Variants in UTRN observed in about 807,000 individuals in gnomAD.
UTRN encodes utrophin.
In UTRN, 283 loss-of-function variants were observed where a neutral mutation model predicts 463.9. The ratio of observed to expected loss-of-function variants is 0.61; its 90% CI spans 0.55 to 0.67. The LOEUF is 0.67. Among genes scored for constraint, UTRN ranks in the 30% least tolerant of loss-of-function variants. The pLI is 0.00. For missense variants in UTRN, 3,922 were observed against 4,084.3 expected (o/e 0.96, Z 1.08); for synonymous variants, 1,442 against 1,431.5 (o/e 1.01, Z -0.17).
chr6:144,524,345 T>C (rs1796372716), intron 41 of UTRN, among the ~76,000 whole-genome samples: 1 of 152,166 alleles, frequency 6.6e-6, no homozygotes, highest in Admixed American at 6.5e-5. Flanking sequence ...CCCTGTATTA[T>C]ATCATGAAAT....
At chr6:144,698,234 A>T (rs1784218145) in intron 52 of UTRN, among the ~76,000 whole-genome samples, 1 of 152,178 alleles carries the variant, frequency 6.6e-6, no homozygotes, top group African/African-American at 2.4e-5. Flanking sequence ...CCTAAAGTTA[A>T]TCAATATGAA....
At chr6:144,419,612 A>G (rs1469431178) in intron 3 of UTRN, among the ~76,000 whole-genome samples, 1 of 152,218 alleles carries the variant, frequency 6.6e-6, no homozygotes, top group Non-Finnish European at 1.5e-5. Context: ...GTGTCACACA[A>G]CATACCCATG....
intron 52 of UTRN, among the ~76,000 whole-genome samples, chr6:144,682,168 T>G (rs1782272377): frequency 6.6e-6 from 1 of 152,038 alleles, no homozygotes; most frequent in African/African-American, 2.4e-5. Context: ...CTTCCCAGCC[T>G]CTGGTAACCA....
intron 52 of UTRN, among the ~76,000 whole-genome samples, chr6:144,679,365 ATATGT>A (rs1257634361): frequency 1.3e-5 from 2 of 152,090 alleles, no homozygotes; most frequent in Non-Finnish European, 2.9e-5. Context: ...TGGCTGAAAA[ATATGT>A]TATTGAGCAA....
At chr6:144,804,600 A>G (rs923545304) in intron 65 of UTRN, among the ~76,000 whole-genome samples, 3 of 152,174 alleles carry the variant, frequency 2.0e-5, no homozygotes, top group African/African-American at 7.2e-5. Context: ...GAGGCAAGGA[A>G]GTGAAAAATG....
At chr6:144,715,214 A>G (rs6902144) in intron 53 of UTRN, among the ~76,000 whole-genome samples, 56,588 of 151,766 alleles carry the variant, frequency 0.37, 14,394 homozygotes, top group African/African-American at 0.7. Flanking sequence ...AGTTGGTAGG[A>G]ATATTATTTC....
chr6:144,775,204 A>G (rs4243474), intron 60 of UTRN, among the ~76,000 whole-genome samples: 62,658 of 152,086 alleles, frequency 0.41, 16,979 homozygotes, highest in East Asian at 0.82. Context: ...TGATATGTTA[A>G]GGTTGAAAAA....
At chr6:144,653,702 C>T (rs1448902307) in intron 51 of UTRN, among the ~76,000 whole-genome samples, 3 of 152,012 alleles carry the variant, frequency 2.0e-5, no homozygotes, top group Non-Finnish European at 4.4e-5. Context: ...AGATTGTTTT[C>T]AGCTCAATAA....
chr6:144,514,805 T>C lies in UTRN; in HGVS notation c.5229T>C (p.His1743=). ...GGAACTTTGAAAAGGTGTCTCAACA[T>C]ATCAAAAGTGCCAAAGTGAGTAATT... ...LNRNFEKVSQ[H]IKSAKLLIAQ... Residue 1743 remains histidine, a synonymous_variant, in exon 37 of 75, where the codon CAT becomes CAC. Transcript: ENST00000367545. The C allele has an allele frequency of 1.2e-6, 2 of 1,612,942 alleles. No individual in the cohort carries two copies. The highest frequency in any genetic ancestry group is 1.7e-6 in the Non-Finnish European group (2 of 1,179,710).
chr6:144,820,730 GTT>G, intron 65 of UTRN, 150 bp from the exon 66 acceptor site: 1 of 828,572 alleles, frequency 1.2e-6, no homozygotes, highest in Non-Finnish European at 1.8e-6. Flanking sequence ...ATTGCCAAGT[GTT>G]TTCATGAGAC....
chr6:144,437,928 G>A (rs577149489), intron 11 of UTRN, among the ~76,000 whole-genome samples, 182 bp downstream of exon 11: 2 of 152,268 alleles, frequency 1.3e-5, no homozygotes, highest in South Asian at 4.1e-4. Flanking sequence ...CCTTTGATGT[G>A]TTAGCCACAC....
chr6:144,587,540 A>G (rs1221491433), intron 51 of UTRN, among the ~76,000 whole-genome samples: 1 of 152,186 alleles, frequency 6.6e-6, no homozygotes, highest in Admixed American at 6.5e-5. Flanking sequence ...TTTTTCATCT[A>G]CATGTACAGC....
At chr6:144,314,477 G>T (rs1461276285) in intron 2 of UTRN, among the ~76,000 whole-genome samples, 5 of 152,204 alleles carry the variant, frequency 3.3e-5, no homozygotes, top group African/African-American at 1.2e-4. Context: ...AGCACAAAAA[G>T]CTGCTCTTGG....
intron 73 of UTRN, 100 bp downstream of exon 73, chr6:144,840,932 C>A (rs1167826934): frequency 1.0e-5 from 13 of 1,269,848 alleles, no homozygotes; most frequent in Non-Finnish European, 1.4e-5. Context: ...TAACAAAAAC[C>A]TTATTACAAA....
Position 144,414,802 on chromosome 6 carries a change from G to A in UTRN, c.142-7076G>A, listed in dbSNP as rs184090262. Reference sequence around the variant, plus strand: ...GCAGTCTTGGTTCACTGCAACCTCCGCCTCCCAGGTTCAAGCGATTCTCCT... The same window carrying A: ...GCAGTCTTGGTTCACTGCAACCTCCACCTCCCAGGTTCAAGCGATTCTCCT... On this transcript the variant is annotated intron_variant, in intron 3 of 74. Coordinates refer to ENST00000367545, the MANE Select transcript of UTRN (RefSeq NM_007124.3). Among the ~76,000 whole-genome samples the A allele has an allele frequency of 1.0e-4, 15 of 149,654 alleles. No homozygotes were observed. The East Asian group carries it at 1.2e-3, about 12-fold the overall frequency.
intron 65 of UTRN, among the ~76,000 whole-genome samples, chr6:144,804,350 AT>A (rs1293348330): frequency 1.3e-5 from 2 of 152,196 alleles, no homozygotes; most frequent in African/African-American, 4.8e-5. Context: ...CCCCAAGAAA[AT>A]TTGTGAGACA....
intron 54 of UTRN, among the ~76,000 whole-genome samples, chr6:144,741,494 G>T (rs4130560): frequency 2.0e-5 from 3 of 152,088 alleles, no homozygotes; most frequent in Non-Finnish European, 4.4e-5. Flanking sequence ...TTACAAGGGG[G>T]GTGTTCTAGA....
At chr6:144,290,473 G>T (rs1489212041) in intron 1 of UTRN, among the ~76,000 whole-genome samples, 1 of 152,152 alleles carries the variant, frequency 6.6e-6, no homozygotes, top group Non-Finnish European at 1.5e-5. Flanking sequence ...CAACATCTTG[G>T]CAAGGATATT....
chr6:144,521,718 G>A (rs1226723576), intron 39 of UTRN, among the ~76,000 whole-genome samples: 1 of 151,990 alleles, frequency 6.6e-6, no homozygotes, highest in African/African-American at 2.4e-5. Flanking sequence ...ACTGAGTTTA[G>A]ATGGCATAGA....
Sources: allele counts gnomAD v4.1 joint callset (sites outside exome capture counted in the v4.1 genomes callset), GRCh38; gene constraint gnomAD v4.1.1; transcripts MANE v1.5; gene names NCBI Gene and HGNC (gene_info 2026-07-23, HGNC 2026-07-21).